NALF1: variants seen among roughly 807,000 people sequenced by gnomAD.
The protein encoded by NALF1 is family with sequence similarity 155 member A.
Under a neutral mutation model 48.4 loss-of-function variants are expected in NALF1, and 3 were observed. The ratio of observed to expected loss-of-function variants is 0.06; its 90% CI spans 0.03 to 0.16. The LOEUF is 0.16. Among genes scored for constraint, NALF1 ranks in the 10% least tolerant of loss-of-function variants. NALF1 has a pLI of 1.00. For synonymous variants in NALF1, 262 were observed against 245.7 expected (o/e 1.07, Z -0.62); for missense variants, 526 against 571.5 (o/e 0.92, Z 0.81).
chr13:107,638,351 G>A (rs114787366), intron 1 of NALF1, among the ~76,000 whole-genome samples: 1,921 of 151,592 alleles, frequency 0.013, 35 homozygotes, highest in African/African-American at 0.044. Flanking sequence ...TTTGTTTATG[G>A]GAGTGGAGAA....
intron 1 of NALF1, among the ~76,000 whole-genome samples, chr13:107,290,281 C>A (rs1280099057): frequency 2.6e-5 from 4 of 151,592 alleles, no homozygotes; most frequent in Non-Finnish European, 5.9e-5. Context: ...ATTTTAGTAA[C>A]CTGTGTAATT....
intron 1 of NALF1, among the ~76,000 whole-genome samples, chr13:107,576,187 T>G (rs1878142345): frequency 6.6e-6 from 1 of 152,172 alleles, no homozygotes; most frequent in African/African-American, 2.4e-5. Flanking sequence ...TATTATTTAA[T>G]GATGAAAGAA....
chr13:107,379,830 T>C (rs1303106992), intron 1 of NALF1, among the ~76,000 whole-genome samples: 3 of 152,174 alleles, frequency 2.0e-5, no homozygotes. Context: ...AGAATACACT[T>C]CCATTCAGAG....
chr13:107,318,277 A>G (rs1028207068), intron 1 of NALF1, among the ~76,000 whole-genome samples: 3 of 152,162 alleles, frequency 2.0e-5, no homozygotes, highest in Non-Finnish European at 4.4e-5. Context: ...TTTGTTATCA[A>G]CTGCACAATT....
At chr13:107,688,811 T>C (rs1197367780) in intron 1 of NALF1, among the ~76,000 whole-genome samples, 1 of 152,128 alleles carries the variant, frequency 6.6e-6, no homozygotes, top group South Asian at 2.1e-4. Flanking sequence ...CCTCTCTGAA[T>C]ACATAGAGGT....
intron 1 of NALF1, among the ~76,000 whole-genome samples, chr13:107,760,048 T>C (rs1159405663): frequency 6.6e-6 from 1 of 152,206 alleles, no homozygotes; most frequent in Non-Finnish European, 1.5e-5. Context: ...TATACAGCCA[T>C]TCATGGATAA....
intron 1 of NALF1, among the ~76,000 whole-genome samples, chr13:107,571,343 G>C (rs946528810): frequency 2.0e-5 from 3 of 152,204 alleles, no homozygotes; most frequent in East Asian, 1.9e-4. Flanking sequence ...CCTCTGGGGA[G>C]AGGAGAGGGG....
chr13:107,509,783 A>C (rs767708589), intron 1 of NALF1, among the ~76,000 whole-genome samples: 2 of 152,096 alleles, frequency 1.3e-5, no homozygotes, highest in Non-Finnish European at 2.9e-5. Flanking sequence ...AACTGGTTTC[A>C]ATTGGTTTAA....
chr13:107,413,359 A>C (rs7326898), intron 1 of NALF1, among the ~76,000 whole-genome samples: 25,808 of 152,156 alleles, frequency 0.17, 2,295 homozygotes, highest in Middle Eastern at 0.26. Context: ...TTAAACCTGG[A>C]GTACAAGAAA....
At chr13:107,310,356 G>A (rs1882020547) in intron 1 of NALF1, among the ~76,000 whole-genome samples, 1 of 151,036 alleles carries the variant, frequency 6.6e-6, no homozygotes. Context: ...GTTACAGCGA[G>A]GCAAGATCAT....
chr13:107,667,126 C>T (rs1177205805), intron 1 of NALF1, among the ~76,000 whole-genome samples: 1 of 151,970 alleles, frequency 6.6e-6, no homozygotes, highest in African/African-American at 2.4e-5. Flanking sequence ...CTCCTTCCAC[C>T]TAATTTAATT....
At chr13:107,656,976 T>A (rs1880594926) in intron 1 of NALF1, among the ~76,000 whole-genome samples, 1 of 151,686 alleles carries the variant, frequency 6.6e-6, no homozygotes, top group African/African-American at 2.4e-5. Context: ...GGCATAAGAA[T>A]GATACATTGG....
chr13:107,849,088 T>C (rs1880246352), intron 1 of NALF1, among the ~76,000 whole-genome samples: 5 of 152,172 alleles, frequency 3.3e-5, no homozygotes, highest in Admixed American at 3.3e-4. Context: ...GGCTCAGGAA[T>C]TAAGATGTTG....
chr13:107,760,363 A>G (rs1024540266), intron 1 of NALF1, among the ~76,000 whole-genome samples: 1 of 152,190 alleles, frequency 6.6e-6, no homozygotes, highest in African/African-American at 2.4e-5. Flanking sequence ...GACAGACAAC[A>G]CAAGGAGGAA....
intron 1 of NALF1, among the ~76,000 whole-genome samples, chr13:107,829,066 C>T (rs1377522961): frequency 6.6e-6 from 1 of 152,150 alleles, no homozygotes; most frequent in Non-Finnish European, 1.5e-5. Flanking sequence ...CTCTTCTCTG[C>T]ATTTCATATT....
At chr13:107,336,849 C>G (rs763889827) in intron 1 of NALF1, among the ~76,000 whole-genome samples, 18 of 151,874 alleles carry the variant, frequency 1.2e-4, no homozygotes, top group African/African-American at 1.7e-4. Context: ...ACAGCAGGAT[C>G]AAGGAAGAAA....
intron 1 of NALF1, among the ~76,000 whole-genome samples, chr13:107,528,544 G>A (rs948263246): frequency 3.3e-5 from 5 of 152,052 alleles, no homozygotes; most frequent in Non-Finnish European, 7.4e-5. Flanking sequence ...TCTAAAACAA[G>A]CCTCGAGGGG....
intron 1 of NALF1, among the ~76,000 whole-genome samples, chr13:107,256,631 C>T (rs1357277082): frequency 1.3e-5 from 2 of 152,112 alleles, no homozygotes; most frequent in African/African-American, 4.8e-5. Flanking sequence ...ATCTTCAATG[C>T]TTCATTTTCT....
intron 1 of NALF1, among the ~76,000 whole-genome samples, chr13:107,296,655 C>T (rs1334055555): frequency 6.6e-6 from 1 of 152,086 alleles, no homozygotes; most frequent in Non-Finnish European, 1.5e-5. Flanking sequence ...TATCAACTGA[C>T]ACTTAGACTT....
Sources: gnomAD v4.1 joint callset for allele counts (sites outside exome capture counted in the v4.1 genomes callset) on GRCh38, gnomAD v4.1.1 for gene constraint, MANE v1.5 for transcripts, NCBI Gene and HGNC (gene_info 2026-07-23, HGNC 2026-07-21) for gene names.